Variants in TDP1 observed in about 807,000 individuals in gnomAD.
TDP1 encodes the protein tyr-DNA phosphodiesterase 1.
TDP1 carries 64 observed loss-of-function variants against 81.5 expected under a neutral mutation model. That is an observed-to-expected ratio of 0.79 (90% CI 0.64 to 0.97). The LOEUF is 0.97. Among genes scored for constraint, TDP1 ranks in the 50% least tolerant of loss-of-function variants. The pLI is 0.00. For synonymous variants in TDP1, 256 were observed against 264.3 expected, an observed-to-expected ratio of 0.97 and a Z score of 0.30; for missense variants, 723 against 743.8, an observed-to-expected ratio of 0.97 and a Z score of 0.33.
At chr14:90,010,281 A>G (rs1253054206) in intron 14 of TDP1, among the ~76,000 whole-genome samples, 1 of 152,252 alleles carries the variant, frequency 6.6e-6, no homozygotes, top group Non-Finnish European at 1.5e-5. Context: ...GAAAACAAGC[A>G]AAAATTACCT....
chr14:90,013,330 T>G (rs1884936100), intron 14 of TDP1, among the ~76,000 whole-genome samples: 1 of 152,186 alleles, frequency 6.6e-6, no homozygotes, highest in South Asian at 2.1e-4. Flanking sequence ...GCTTCCATAA[T>G]TCCCATGTGT....
intron 14 of TDP1, among the ~76,000 whole-genome samples, chr14:90,001,108 A>T (rs1203059303): frequency 6.6e-6 from 1 of 152,206 alleles, no homozygotes; most frequent in East Asian, 1.9e-4. Flanking sequence ...TCTACCCATC[A>T]TAAGTAGAGG....
At chr14:90,003,669 T>TG (rs1897377314) in intron 14 of TDP1, among the ~76,000 whole-genome samples, 1 of 152,112 alleles carries the variant, frequency 6.6e-6, no homozygotes, top group South Asian at 2.1e-4. Flanking sequence ...AGAAGCAAGG[T>TG]GGGTACCTAA....
At chr14:90,004,751 T>TCC (rs1248589947) in intron 14 of TDP1, among the ~76,000 whole-genome samples, 34 of 152,314 alleles carry the variant, frequency 2.2e-4, no homozygotes, top group African/African-American at 7.9e-4. Context: ...AGAAACATTA[T>TCC]TGCAGGAGAG....
At chr14:89,965,179 T>C (rs1892792859) in intron 3 of TDP1, among the ~76,000 whole-genome samples, 1 of 152,196 alleles carries the variant, frequency 6.6e-6, no homozygotes, top group South Asian at 2.1e-4. Context: ...TTTTTGTTGT[T>C]GTTCTCTGAA....
chr14:89,994,782 G>T (rs1270948125), intron 14 of TDP1, among the ~76,000 whole-genome samples: 1 of 152,192 alleles, frequency 6.6e-6, no homozygotes, highest in Admixed American at 6.5e-5. Flanking sequence ...GTAAAGAGGT[G>T]CTATTGTAAG....
chr14:90,033,479 TATC>T, intron 16 of TDP1: 1 of 483,108 alleles, frequency 2.1e-6, no homozygotes. Context: ...GAATTGAAAA[TATC>T]ATAAGTCAAA....
chr14:89,992,967 G>A (rs1896344154), intron 13 of TDP1: 2 of 981,886 alleles, frequency 2.0e-6, no homozygotes, highest in Non-Finnish European at 2.4e-6. Flanking sequence ...TGCCTTTTTT[G>A]TATTTTGTTT....
At chr14:90,011,133 G>A (rs531525880) in intron 14 of TDP1, among the ~76,000 whole-genome samples, 1 of 152,302 alleles carries the variant, frequency 6.6e-6, no homozygotes, top group East Asian at 1.9e-4. Context: ...CACCATGTAA[G>A]GCATGCCTTT....
intron 14 of TDP1, among the ~76,000 whole-genome samples, chr14:90,017,092 G>A (rs906819369): frequency 6.6e-6 from 1 of 152,144 alleles, no homozygotes; most frequent in Non-Finnish European, 1.5e-5. Context: ...AGTGGACAAT[G>A]GATTCCATGT....
chr14:90,033,019 A>ATAT (rs1887456795), intron 15 of TDP1, 87 bp from the exon 16 acceptor site: 28 of 1,175,540 alleles, frequency 2.4e-5, no homozygotes, highest in Non-Finnish European at 3.5e-5. Context: ...TACCATAAAG[A>ATAT]TATTATTGCT....
At chr14:90,037,329 A>G (rs1887917776) in intron 16 of TDP1, among the ~76,000 whole-genome samples, 3 of 152,198 alleles carry the variant, frequency 2.0e-5, no homozygotes, top group Admixed American at 6.5e-5. Flanking sequence ...TAAAGGGTGA[A>G]GAAGTAATGA....
At chr14:90,032,339 G>A (rs969553773) in intron 15 of TDP1, among the ~76,000 whole-genome samples, 1 of 152,070 alleles carries the variant, frequency 6.6e-6, no homozygotes, top group Non-Finnish European at 1.5e-5. Flanking sequence ...GATTTGAAGG[G>A]TGGATATGTG....
At position 90,019,883 on chromosome 14, in the gene TDP1, C is replaced by T. The variant is rs546549527; in HGVS notation, c.1644+465C>T. Among the ~76,000 whole-genome samples the T allele has an allele frequency of 2.6e-5, 4 of 152,084 alleles. No homozygotes were observed. The South Asian group carries it at 8.3e-4, about 32-fold the overall frequency. ...TAGAGAGAGGTGGGAATGGCATCAA[C>T]GTTGGAAAGGAATTGGTAGTAGCAC... On this transcript the variant is annotated intron_variant, in intron 15 of 16. Coordinates refer to ENST00000335725, the MANE Select transcript of TDP1 (RefSeq NM_018319.4).
intron 16 of TDP1, among the ~76,000 whole-genome samples, chr14:90,037,585 A>G (rs34447998): frequency 0.099 from 15,049 of 152,056 alleles, 1,691 homozygotes; most frequent in African/African-American, 0.27. Flanking sequence ...ATTCCTGCAC[A>G]CTCTTTACCC....
At chr14:89,980,847 A>G (rs771769845) in intron 8 of TDP1, among the ~76,000 whole-genome samples, 15 of 152,210 alleles carry the variant, frequency 9.9e-5, no homozygotes, top group Non-Finnish European at 2.2e-4. Flanking sequence ...CAGGAGCATC[A>G]TCATCCACAG....
chr14:89,983,027 A>G, intron 8 of TDP1: 1 of 435,750 alleles, frequency 2.3e-6, no homozygotes, highest in Non-Finnish European at 4.5e-6. Flanking sequence ...GCTCATTATA[A>G]TAATTTTCTC....
intron 14 of TDP1, among the ~76,000 whole-genome samples, chr14:89,999,048 A>T (rs57841849): frequency 0.039 from 5,924 of 152,184 alleles, 381 homozygotes; most frequent in African/African-American, 0.13. Context: ...TAAATAGTCG[A>T]CTTCAGCTTA....
chr14:90,004,374 A>G (rs538908797), intron 14 of TDP1, among the ~76,000 whole-genome samples: 55 of 152,336 alleles, frequency 3.6e-4, no homozygotes, highest in African/African-American at 1.3e-3. Flanking sequence ...CTCCAAAGAA[A>G]GCCTCTCACA....
Sources: gnomAD v4.1 joint callset for allele counts (sites outside exome capture counted in the v4.1 genomes callset) on GRCh38, gnomAD v4.1.1 for gene constraint, MANE v1.5 for transcripts, NCBI Gene and HGNC (gene_info 2026-07-23, HGNC 2026-07-21) for gene names.